Variants in CPEB2 observed in about 807,000 individuals in gnomAD.
The protein encoded by CPEB2 is cytoplasmic polyadenylation element-binding protein 2.
Under a neutral mutation model 93.6 loss-of-function variants are expected in CPEB2, and 56 were observed. That is an observed-to-expected ratio of 0.60 (90% CI 0.48 to 0.75). CPEB2 has a LOEUF of 0.75. Among genes scored for constraint, CPEB2 ranks in the 30% least tolerant of loss-of-function variants. The pLI is 0.00. For missense variants in CPEB2, 1,579 were observed against 1,395.1 expected (o/e 1.13, Z -2.10); for synonymous variants, 764 against 586.3 (o/e 1.30, Z -4.38).
At chr4:15,060,975 G>A (rs936013887) in intron 10 of CPEB2, among the ~76,000 whole-genome samples, 3 of 152,146 alleles carry the variant, frequency 2.0e-5, no homozygotes, top group Admixed American at 1.3e-4. Flanking sequence ...AATACAGAAA[G>A]AATGAAGCCA....
intron 4 of CPEB2, among the ~76,000 whole-genome samples, chr4:15,028,507 A>G (rs963046955): frequency 2.6e-5 from 4 of 152,112 alleles, no homozygotes; most frequent in African/African-American, 9.7e-5. Context: ...TTTATATGCT[A>G]GAGAGTAAGA....
At chr4:15,030,716 G>C (rs1271785337) in intron 4 of CPEB2, among the ~76,000 whole-genome samples, 1 of 152,038 alleles carries the variant, frequency 6.6e-6, no homozygotes, top group African/African-American at 2.4e-5. Flanking sequence ...TACTTACATT[G>C]AGAGATTTTC....
Position 15,003,382 on chromosome 4 carries a change from A to T in CPEB2, c.709A>T (p.Ser237Cys), listed in dbSNP as rs1560205156. The T allele has an allele frequency of 7.2e-7, 1 of 1,379,710 alleles. No homozygotes were observed. The highest frequency in any genetic ancestry group is 9.3e-7 in the Non-Finnish European group (1 of 1,078,754). 85.5% of individuals were successfully genotyped at this position (1,379,710 alleles called of 1,614,324 possible). A position where few individuals can be genotyped will look rare whatever the true frequency, so the allele number is the denominator to read the frequency against. Reference sequence around the variant, plus strand: ...GCAGCAACAGCCGCCGCAGCAGTTCAGCCTCCTGCATCAGCAGCACCTCTC... The same window carrying T: ...GCAGCAACAGCCGCCGCAGCAGTTCTGCCTCCTGCATCAGCAGCACCTCTC... Reference protein sequence around the residue: ...RQQQQPPQQFSLLHQQHLSPQ... With the variant: ...RQQQQPPQQFCLLHQQHLSPQ... The change falls in exon 1 of 12, where the codon AGC (serine) becomes TGC (cysteine). Residue 237 changes from serine (S) to cysteine (C), a missense_variant. Coordinates refer to ENST00000538197, the MANE Select transcript of CPEB2 (RefSeq NM_001177382.2).
intron 3 of CPEB2, among the ~76,000 whole-genome samples, chr4:15,013,253 G>A (rs1723714248): frequency 6.6e-6 from 1 of 151,890 alleles, no homozygotes; most frequent in Non-Finnish European, 1.5e-5. Flanking sequence ...TATTCTGTTA[G>A]TTATTGTGAG....
intron 3 of CPEB2, among the ~76,000 whole-genome samples, chr4:15,012,842 C>T (rs1723666287): frequency 6.6e-6 from 1 of 151,998 alleles, no homozygotes; most frequent in African/African-American, 2.4e-5. Context: ...TTTCTATAAT[C>T]TTATTTTTCT....
At chr4:15,053,317 A>G (rs1288042368) in intron 7 of CPEB2, among the ~76,000 whole-genome samples, 1 of 152,138 alleles carries the variant, frequency 6.6e-6, no homozygotes, top group South Asian at 2.1e-4. Flanking sequence ...TACCCGGCCA[A>G]AAGTTTAATT....
At chr4:15,040,561 CTA>C (rs1286333210) in intron 6 of CPEB2, 74 bp downstream of exon 6, 3 of 1,306,642 alleles carry the variant, frequency 2.3e-6, no homozygotes, top group Non-Finnish European at 3.1e-6. Flanking sequence ...ATTAATTACT[CTA>C]GATTTTTCAT....
At chr4:15,030,810 C>T (rs1726012332) in intron 4 of CPEB2, among the ~76,000 whole-genome samples, 1 of 151,938 alleles carries the variant, frequency 6.6e-6, no homozygotes, top group Non-Finnish European at 1.5e-5. Flanking sequence ...GTTTTTTAAA[C>T]TTTCCACAAA....
chr4:15,066,233 C>CT lies in CPEB2; in HGVS notation c.2965dup (p.Cys989LeufsTer12). On this transcript the variant is annotated frameshift_variant, in exon 12 of 12. Transcript: ENST00000538197. LOFTEE classifies it high-confidence loss of function. ...CACGCTGTGGTGGAAAATTTGCTCC[C>CT]TTTTTTTGTGCCAATGTCACTTGCC... The CT allele has an allele frequency of 6.2e-7, 1 of 1,613,388 alleles. No individual in the cohort carries two copies. Among genetic ancestry groups the CT allele is most frequent in the Non-Finnish European group, 8.5e-7 (1 of 1,179,618 alleles).
chr4:15,044,032 A>T (rs1381900419), intron 6 of CPEB2, among the ~76,000 whole-genome samples: 1 of 152,184 alleles, frequency 6.6e-6, no homozygotes, highest in African/African-American at 2.4e-5. Flanking sequence ...CTCCCTAATA[A>T]CATCACTGCC....
At chr4:15,007,729 G>T (rs991627544) in intron 2 of CPEB2, 143 bp downstream of exon 2, 9 of 487,774 alleles carry the variant, frequency 1.8e-5, no homozygotes, top group African/African-American at 1.6e-4. Context: ...ATTAACAAAG[G>T]TTAAAATATC....
chr4:15,025,259 A>G (rs1047135784), intron 4 of CPEB2, among the ~76,000 whole-genome samples: 2 of 152,024 alleles, frequency 1.3e-5, no homozygotes, highest in African/African-American at 2.4e-5. Flanking sequence ...AGAACTTTCA[A>G]TTACATCTTA....
At position 15,004,340 on chromosome 4, in the gene CPEB2, G is replaced by A. The variant is rs768248400; in HGVS notation, c.1662+5G>A. 1 of 1,440,372 alleles carries A rather than the reference G, an allele frequency of 6.9e-7. No homozygotes were observed. Among genetic ancestry groups the A allele is most frequent in the South Asian group, 1.4e-5 (1 of 72,582 alleles). The allele number at this position is 1,440,372 out of a possible 1,614,324, so 89.2% of individuals were successfully genotyped here. On this transcript the variant is annotated splice_donor_5th_base_variant and intron_variant, in intron 1 of 11. Transcript: ENST00000538197. ...AACTCCTATAACCACCACCAGGTAC[G>A]GCGGGCGGCGGCCTGGCCGCGCCGC... is the stretch of plus-strand genomic sequence containing the variant.
chr4:15,008,448 T>C (rs556836059), intron 3 of CPEB2, 21 bp downstream of exon 3: 1 of 1,544,582 alleles, frequency 6.5e-7, no homozygotes, highest in Admixed American at 1.7e-5. Context: ...CAGTGTATAC[T>C]TTTTAGGATT....
intron 6 of CPEB2, among the ~76,000 whole-genome samples, chr4:15,051,296 G>A (rs1390208201): frequency 3.3e-5 from 5 of 152,010 alleles, no homozygotes; most frequent in South Asian, 2.1e-4. Context: ...TAAATGTCTC[G>A]TTAGCCTGTC....
intron 3 of CPEB2, among the ~76,000 whole-genome samples, chr4:15,011,524 C>G (rs11941549): frequency 0.053 from 8,026 of 152,158 alleles, 240 homozygotes; most frequent in Non-Finnish European, 0.071. Flanking sequence ...ATGGAATTTG[C>G]AGCCAGATCC....
At chr4:15,039,318 T>G (rs1726939293) in intron 5 of CPEB2, among the ~76,000 whole-genome samples, 1 of 152,212 alleles carries the variant, frequency 6.6e-6, no homozygotes, top group African/African-American at 2.4e-5. Context: ...CACACTTCCT[T>G]GTAGTAAAGC....
intron 4 of CPEB2, among the ~76,000 whole-genome samples, chr4:15,024,316 C>T (rs1449785637): frequency 6.6e-6 from 1 of 152,010 alleles, no homozygotes; most frequent in Non-Finnish European, 1.5e-5. Context: ...TATTACCTTC[C>T]TGCTAATGGG....
intron 5 of CPEB2, among the ~76,000 whole-genome samples, chr4:15,034,883 T>A (rs1726455791): frequency 6.6e-6 from 1 of 152,064 alleles, no homozygotes; most frequent in South Asian, 2.1e-4. Flanking sequence ...TACTAATAGG[T>A]AAGGGGATGT....
Sources: allele counts gnomAD v4.1 joint callset (sites outside exome capture counted in the v4.1 genomes callset), GRCh38; gene constraint gnomAD v4.1.1; transcripts MANE v1.5; gene names NCBI Gene and HGNC (gene_info 2026-07-23, HGNC 2026-07-21).